The following CPLANE1 variants were observed in gnomAD, a reference collection of about 807,000 sequenced individuals.
CPLANE1 encodes the protein ciliogenesis and planar polarity effector complex subunit 1.
A neutral mutation model predicts 362.5 loss-of-function variants in CPLANE1; 263 were observed. That is an observed-to-expected ratio of 0.73 (90% CI 0.66 to 0.80). The LOEUF (loss-of-function observed/expected upper bound fraction) is 0.80. CPLANE1 is among the 30% of genes least tolerant of loss of function. CPLANE1 has a pLI of 0.00. For synonymous variants in CPLANE1, 1,212 were observed against 1,302.6 expected (o/e 0.93, Z 1.50); for missense variants, 3,461 against 3,793.4 (o/e 0.91, Z 2.30).
chr5:37,146,473 G>A (rs906833097), intron 43 of CPLANE1, among the ~76,000 whole-genome samples: 10 of 152,172 alleles, frequency 6.6e-5, no homozygotes, highest in East Asian at 3.9e-4. Context: ...CACCACGCCC[G>A]GCCTAAAAGA....
intron 28 of CPLANE1, 60 bp from the exon 29 acceptor site, chr5:37,179,503 T>G (rs1262170265): frequency 4.7e-6 from 5 of 1,063,236 alleles, no homozygotes; most frequent in Non-Finnish European, 7.2e-6. Flanking sequence ...TATTGACTTT[T>G]TAGGGGGCTC....
Position 37,230,915 on chromosome 5 carries a change from T to G in CPLANE1, c.1073A>C (p.Glu358Ala). 6.5e-7 allele frequency: 1 copy of G among 1,548,226 alleles called. No homozygotes were observed. Among genetic ancestry groups the G allele is most frequent in the Non-Finnish European group, 8.7e-7 (1 of 1,145,316 alleles). Residue 358 changes from glutamate (E) to alanine (A), a missense_variant, in exon 9 of 53, where the codon GAA becomes GCA. Coordinates refer to ENST00000651892, the MANE Select transcript of CPLANE1 (RefSeq NM_001384732.1). ...LTLITFGCSIEFGPAEFIPLH... is the reference protein window; with the variant it reads ...LTLITFGCSIAFGPAEFIPLH... ...AGGAATAAATTCTGCTGGGCCAAATTCTATAGAGCAACCAAATGTAATTAA... is the reference window on the plus strand; with the variant it reads ...AGGAATAAATTCTGCTGGGCCAAATGCTATAGAGCAACCAAATGTAATTAA...
At chr5:37,247,521 T>C in intron 2 of CPLANE1, 97 bp downstream of exon 2, 2 of 1,047,356 alleles carry the variant, frequency 1.9e-6, no homozygotes, top group South Asian at 3.6e-5. Context: ...TAGATGATGT[T>C]TTATTTATTT....
chr5:37,158,087 A>T, intron 39 of CPLANE1, 137 bp downstream of exon 39: 2 of 1,036,702 alleles, frequency 1.9e-6, no homozygotes, highest in Admixed American at 2.8e-5. Flanking sequence ...GCTTAAATTA[A>T]TTTTTGAACC....
intron 15 of CPLANE1, among the ~76,000 whole-genome samples, chr5:37,215,819 GA>G (rs1204586234): frequency 2.5e-5 from 3 of 120,806 alleles, no homozygotes; most frequent in African/African-American, 9.5e-5. Context: ...ACTGATATAA[GA>G]TTTTTTTCTT....
intron 43 of CPLANE1, 53 bp downstream of exon 43, chr5:37,148,128 T>C: frequency 2.2e-6 from 3 of 1,370,118 alleles, no homozygotes; most frequent in Non-Finnish European, 3.1e-6. Flanking sequence ...ATGCACATTC[T>C]TTCAGATCAA....
Position 37,227,375 on chromosome 5 carries a change from C to A in CPLANE1, c.1389G>T (p.Leu463=), listed in dbSNP as rs980740878. The A allele has an allele frequency of 4.6e-6, 7 of 1,538,084 alleles. No homozygotes were observed. The Admixed American group carries it at 1.5e-4, about 32-fold the overall frequency. The change falls in exon 11 of 53, where the codon CTG becomes CTT. Residue 463 remains leucine, a synonymous_variant. Transcript: ENST00000651892. ...VILSKPKGKG[L]NLRSLNSLRS... is the part of the protein sequence containing the mutation. Reference sequence around the variant, plus strand: ...TTAGGGAATTCAGTGATCGCAAGTTCAGTCCTTTGCCTTTTGGCTAAAGAA... The same window carrying A: ...TTAGGGAATTCAGTGATCGCAAGTTAAGTCCTTTGCCTTTTGGCTAAAGAA...
Position 37,169,376 on chromosome 5 carries a change from T to C in CPLANE1, c.6648A>G (p.Ala2216=). The part of the protein sequence containing the change: ...VQKAPRLIPH[A]KTFSPGDGFP... ...AGCCATCACCAGGACTAAATGTTTT[T>C]GCATGTGGGATAAGTCTAGGTGCCT... Residue 2216 remains alanine (A), a synonymous_variant, in exon 34 of 53, where the codon GCA becomes GCG. Coordinates refer to ENST00000651892, the MANE Select transcript of CPLANE1 (RefSeq NM_001384732.1). The C allele has an allele frequency of 6.2e-7, 1 of 1,614,214 alleles. No homozygotes were observed. Among genetic ancestry groups the C allele is most frequent in the Non-Finnish European group, 8.5e-7 (1 of 1,180,042 alleles).
chr5:37,140,940 C>T, intron 44 of CPLANE1: 1 of 985,216 alleles, frequency 1.0e-6, no homozygotes, highest in African/African-American at 1.7e-5. Context: ...TCCAATGTGG[C>T]TCAGGGAAGC....
In CPLANE1 at chr5:37,180,914, G is replaced by T; in HGVS notation, c.5513C>A (p.Thr1838Asn). 1.2e-6 allele frequency: 2 copies of T among 1,614,012 alleles called. No individual in the cohort carries two copies. The highest frequency in any genetic ancestry group is 1.7e-6 in the Non-Finnish European group (2 of 1,179,916). The change falls in exon 27 of 53, where the codon ACT (threonine) becomes AAT (asparagine). Residue 1838 changes from threonine to asparagine, a missense_variant. Coordinates refer to ENST00000651892, the MANE Select transcript of CPLANE1 (RefSeq NM_001384732.1). ...SDAGGSVAVA[T>N]PGGTEERNGQ... ...ATTTCTTTCCTCAGTTCCACCTGGA[G>T]TTGCTACTGCAACTGAACCGCCAGC...
At chr5:37,125,768 CTTTTTT>C (rs1280003414) in intron 46 of CPLANE1, among the ~76,000 whole-genome samples, 2 of 152,080 alleles carry the variant, frequency 1.3e-5, no homozygotes, top group Non-Finnish European at 2.9e-5. Context: ...CTCCTTTTGA[CTTTTTT>C]TAAACTTTTT....
chr5:37,124,814 A>T (rs182669389), intron 47 of CPLANE1: 2 of 934,644 alleles, frequency 2.1e-6, no homozygotes, highest in East Asian at 2.3e-4. Context: ...TTGGTCTCCC[A>T]AAGTTTTCTA....
At chr5:37,115,291 T>G (rs1479571610) in intron 50 of CPLANE1, among the ~76,000 whole-genome samples, 1 of 152,186 alleles carries the variant, frequency 6.6e-6, no homozygotes, top group African/African-American at 2.4e-5. Flanking sequence ...AGCCATACTC[T>G]TTTTTCAAAT....
At position 37,162,901 on chromosome 5, in the gene CPLANE1, A is replaced by G. The variant is rs527445604; in HGVS notation, c.7589-335T>C. ...CGCCACGTTGGCCAGGCTGGTCTCA[A>G]ACTCCTGACCTCAACTGATCCACCC... On this transcript the variant is annotated intron_variant, in intron 37 of 52. Transcript: ENST00000651892. Among the ~76,000 whole-genome samples, 4 of 152,278 alleles carry G rather than the reference A, an allele frequency of 2.6e-5. No individual in the cohort carries two copies. The East Asian group carries it at 7.7e-4, about 29-fold the overall frequency.
At chr5:37,095,214 A>G in the CPLANE1 span, among the ~76,000 whole-genome samples, 1 of 152,206 alleles carries the variant, frequency 6.6e-6, no homozygotes, top group African/African-American at 2.4e-5. Flanking sequence ...ATCCAACAAC[A>G]TATCAAAAAG....
At chr5:37,091,081 T>C in the CPLANE1 span, among the ~76,000 whole-genome samples, 3 of 152,322 alleles carry the variant, frequency 2.0e-5, no homozygotes, top group African/African-American at 7.2e-5. Flanking sequence ...CAATTTCAAC[T>C]TACTCAGAGG....
chr5:37,087,334 G>A, the CPLANE1 span, among the ~76,000 whole-genome samples: 47 of 152,226 alleles, frequency 3.1e-4, no homozygotes, highest in African/African-American at 8.4e-4. Context: ...AGGAAATGTC[G>A]CCTGCCTTAC....
intron 32 of CPLANE1, 36 bp downstream of exon 32, chr5:37,173,719 G>C (rs1780415804): frequency 3.9e-6 from 6 of 1,525,380 alleles, no homozygotes; most frequent in Non-Finnish European, 5.4e-6. Flanking sequence ...TGTACACTAT[G>C]TGTAGATTTA....
At chr5:37,164,703 A>C (rs1157079205) in intron 36 of CPLANE1, among the ~76,000 whole-genome samples, 13 of 152,254 alleles carry the variant, frequency 8.5e-5, no homozygotes, top group Non-Finnish European at 1.8e-4. Flanking sequence ...ACTGACTGAA[A>C]AAGCATGCCT....
Sources: gnomAD v4.1 joint callset for allele counts (sites outside exome capture counted in the v4.1 genomes callset) on GRCh38, gnomAD v4.1.1 for gene constraint, MANE v1.5 for transcripts, NCBI Gene and HGNC (gene_info 2026-07-23, HGNC 2026-07-21) for gene names.